MYLK: variants seen among roughly 807,000 people sequenced by gnomAD.
MYLK encodes the protein myosin light chain kinase, smooth muscle.
In MYLK, 106 loss-of-function variants were observed where a neutral mutation model predicts 203.4. That is an observed-to-expected ratio of 0.52 (90% CI 0.45 to 0.61). The LOEUF (loss-of-function observed/expected upper bound fraction) is 0.61. MYLK is among the 20% of genes least tolerant of loss of function. The pLI is 0.00. For synonymous variants in MYLK, 867 were observed against 959.5 expected (o/e 0.90, Z 1.78); for missense variants, 2,072 against 2,442.3 (o/e 0.85, Z 3.20).
At chr3:123,623,664 T>A (rs1337479446) in intron 31 of MYLK, 1 of 152,376 alleles carries the variant, frequency 6.6e-6, no homozygotes, top group African/African-American at 2.4e-5. Context: ...CCTCTCCCTC[T>A]GCCCCCGCCC....
intron 3 of MYLK, among the ~76,000 whole-genome samples, chr3:123,823,817 G>C (rs2066019154): frequency 6.6e-6 from 1 of 152,084 alleles, no homozygotes; most frequent in African/African-American, 2.4e-5. Flanking sequence ...ATTAAGCTCT[G>C]CCCTCCCACT....
chr3:123,791,941 C>A (rs1455014736), intron 4 of MYLK, among the ~76,000 whole-genome samples: 1 of 152,218 alleles, frequency 6.6e-6, no homozygotes, highest in African/African-American at 2.4e-5. Context: ...TTCTTCCACC[C>A]CTGTGGGCCA....
chr3:123,737,382 G>A lies in MYLK; in HGVS notation c.750C>T (p.Ile250=), dbSNP rs147622308. 3 of 1,614,026 alleles carry A rather than the reference G, an allele frequency of 1.9e-6. No homozygotes were observed. The African/African-American group carries it at 4.0e-5, about 22-fold the overall frequency. The part of the protein sequence containing the change: ...GKASMSAELS[I]QGLDSANRSF... The stretch of plus-strand genomic sequence containing the variant: ...TAGCCGTCCACTGGTCGATACCTTG[G>A]ATGGAAAGTTCAGCTGACATCGAGG... The change falls in exon 8 of 34, where the codon ATC becomes ATT. Residue 250 remains isoleucine (I), a synonymous_variant. Transcript: ENST00000360304.
intron 3 of MYLK, among the ~76,000 whole-genome samples, chr3:123,818,198 T>G (rs1330855842): frequency 6.6e-6 from 1 of 152,214 alleles, no homozygotes; most frequent in African/African-American, 2.4e-5. Context: ...TTCTGCCTCC[T>G]GCAGTCACAC....
rs1057524120 is a variant in MYLK at position 123,876,607 on chromosome 3, A to G, written c.-175T>C. 1 of 152,174 alleles carries G rather than the reference A, an allele frequency of 6.6e-6. No individual in the cohort carries two copies. Among genetic ancestry groups the G allele is most frequent in the Non-Finnish European group, 1.5e-5 (1 of 68,028 alleles). 9.4% of individuals were successfully genotyped at this position (152,174 alleles called of 1,614,324 possible). ...CCCGAATTGGTTTCTGTTAATTTTG[A>G]AGAATCCTTCCTAATACACAAATCA... On this transcript the variant is annotated 5_prime_UTR_variant, in exon 2 of 34. Coordinates refer to ENST00000360304, the MANE Select transcript of MYLK (RefSeq NM_053025.4).
intron 8 of MYLK, chr3:123,735,651 G>A: frequency 1.9e-6 from 1 of 522,402 alleles, no homozygotes. Context: ...TACCCTGAGG[G>A]CATGGAATCT....
At chr3:123,810,060 G>A (rs957101811) in intron 3 of MYLK, among the ~76,000 whole-genome samples, 2 of 152,146 alleles carry the variant, frequency 1.3e-5, no homozygotes, top group African/African-American at 4.8e-5. Context: ...TCTCAGCAGA[G>A]CAGGAAGAAC....
At chr3:123,693,219 G>A (rs1274519463) in intron 18 of MYLK, among the ~76,000 whole-genome samples, 1 of 152,172 alleles carries the variant, frequency 6.6e-6, no homozygotes, top group African/African-American at 2.4e-5. Context: ...GTCACCAAGA[G>A]AGAAAAGGAG....
chr3:123,732,940 T>C lies in MYLK; in HGVS notation c.1472A>G (p.Asn491Ser), dbSNP rs149802186. The C allele has an allele frequency of 1.1e-5, 17 of 1,614,156 alleles. No homozygotes were observed. The highest frequency in any genetic ancestry group is 1.6e-4 in the Middle Eastern group (1 of 6,062). ...DSGTYSCTAS[N>S]AQGQLSCSWT... ...GCTACAGGACAGCTGGCCTTGGGCG[T>C]TGGAAGCAGTGCAGCTGTATGTCCC... Residue 491 changes from asparagine (N) to serine (S), a missense_variant, in exon 11 of 34, where the codon AAC becomes AGC. Coordinates refer to ENST00000360304, the MANE Select transcript of MYLK (RefSeq NM_053025.4).
intron 20 of MYLK, among the ~76,000 whole-genome samples, chr3:123,670,331 G>A: frequency 6.6e-6 from 1 of 152,204 alleles, no homozygotes; most frequent in East Asian, 1.9e-4. Context: ...ACTGGAGAAA[G>A]AGGAGAACCC....
At chr3:123,724,139 C>CTTTTT (rs5852359) in intron 12 of MYLK, among the ~76,000 whole-genome samples, 41 of 80,860 alleles carry the variant, frequency 5.1e-4, no homozygotes, top group African/African-American at 1.5e-3. Flanking sequence ...CTAAGTTTTG[C>CTTTTT]TTTTTTTTTT....
intron 16 of MYLK, among the ~76,000 whole-genome samples, chr3:123,704,693 G>A (rs1403925302): frequency 6.8e-6 from 1 of 148,054 alleles, no homozygotes; most frequent in African/African-American, 2.5e-5. Context: ...CATGAGGTCA[G>A]GAGATTGAGA....
intron 2 of MYLK, among the ~76,000 whole-genome samples, chr3:123,836,829 G>A (rs2682206): frequency 5.3e-5 from 8 of 152,136 alleles, no homozygotes; most frequent in African/African-American, 1.4e-4. Context: ...TTGACCACTA[G>A]GTAGAACTCA....
intron 3 of MYLK, among the ~76,000 whole-genome samples, chr3:123,826,610 T>C (rs1160640799): frequency 1.3e-5 from 2 of 152,184 alleles, no homozygotes; most frequent in Non-Finnish European, 2.9e-5. Context: ...GCCAAACATC[T>C]GCATGCTCAT....
At chr3:123,883,933 C>A (rs1374071484) in intron 1 of MYLK, among the ~76,000 whole-genome samples, 1 of 152,112 alleles carries the variant, frequency 6.6e-6, no homozygotes, top group Admixed American at 6.6e-5. Context: ...CCCCTCAAAT[C>A]AAAGGCACCC....
chr3:123,746,357 A>C (rs2108850014), intron 5 of MYLK, among the ~76,000 whole-genome samples: 1 of 152,208 alleles, frequency 6.6e-6, no homozygotes, highest in Non-Finnish European at 1.5e-5. Context: ...TAGAACTAAC[A>C]GCAACTGGGA....
At position 123,810,575 on chromosome 3, in the gene MYLK, A is replaced by G. The variant is rs1253140839; in HGVS notation, c.-3-16731T>C. Among the ~76,000 whole-genome samples, 4 of 152,378 alleles carry G rather than the reference A, an allele frequency of 2.6e-5. No homozygotes were observed. The East Asian group carries it at 7.7e-4, about 29-fold the overall frequency. On this transcript the variant is annotated intron_variant, in intron 3 of 33. Coordinates refer to ENST00000360304, the MANE Select transcript of MYLK (RefSeq NM_053025.4). ...TCTAAGCCTGGCCCTGGCTCTGCCAATGGGGATGCCAGTCATGTCTCTTCT... is the reference window on the plus strand; with the variant it reads ...TCTAAGCCTGGCCCTGGCTCTGCCAGTGGGGATGCCAGTCATGTCTCTTCT...
At chr3:123,758,478 G>T (rs1448525636) in intron 4 of MYLK, among the ~76,000 whole-genome samples, 1 of 152,212 alleles carries the variant, frequency 6.6e-6, no homozygotes, top group Non-Finnish European at 1.5e-5. Flanking sequence ...CAAATGCCAT[G>T]TGGGTCTCCA....
intron 16 of MYLK, among the ~76,000 whole-genome samples, chr3:123,705,798 C>T (rs1388866909): frequency 6.6e-6 from 1 of 152,106 alleles, no homozygotes; most frequent in Admixed American, 6.6e-5. Context: ...CAAGATTCAG[C>T]CTTCCTTTTC....
Sources: gnomAD v4.1 joint callset for allele counts (sites outside exome capture counted in the v4.1 genomes callset) on GRCh38, gnomAD v4.1.1 for gene constraint, MANE v1.5 for transcripts, NCBI Gene and HGNC (gene_info 2026-07-23, HGNC 2026-07-21) for gene names.